Variants in CCDC158 observed in about 807,000 individuals in gnomAD.
The protein encoded by CCDC158 is coiled-coil domain containing 158.
Under a neutral mutation model 138.6 loss-of-function variants are expected in CCDC158, and 116 were observed. The observed-to-expected ratio is 0.84, with a 90% CI of 0.72 to 0.98. The LOEUF (loss-of-function observed/expected upper bound fraction) is 0.98, where lower values mean the gene tolerates loss of function less well. CCDC158 is among the 50% of genes least tolerant of loss of function. The probability of loss-of-function intolerance (pLI) is 0.00; values close to 1 mark genes in which losing one functional copy is unlikely to be tolerated. For missense variants in CCDC158, 1,265 were observed against 1,306.1 expected (o/e 0.97, Z 0.48); for synonymous variants, 436 against 442.4 (o/e 0.99, Z 0.18).
At chr4:76,355,123 C>G (rs1723418563) in intron 15 of CCDC158, among the ~76,000 whole-genome samples, 1 of 152,098 alleles carries the variant, frequency 6.6e-6, no homozygotes, top group East Asian at 1.9e-4. Context: ...TGTTCTTTTT[C>G]CCATTTCCCA....
At chr4:76,370,249 C>G (rs1172225570) in intron 10 of CCDC158, among the ~76,000 whole-genome samples, 14 of 152,038 alleles carry the variant, frequency 9.2e-5, no homozygotes, top group Non-Finnish European at 2.9e-5. Flanking sequence ...ATTAAAGGAA[C>G]AAAGATAAGG....
intron 2 of CCDC158, among the ~76,000 whole-genome samples, chr4:76,405,108 G>A (rs1263419139): frequency 6.6e-6 from 1 of 152,106 alleles, no homozygotes; most frequent in African/African-American, 2.4e-5. Context: ...ACAATATTAA[G>A]ACTTTAAAGA....
chr4:76,371,764 C>T (rs1725263957), intron 9 of CCDC158, among the ~76,000 whole-genome samples: 1 of 151,996 alleles, frequency 6.6e-6, no homozygotes, highest in Non-Finnish European at 1.5e-5. Context: ...ATGGCAAAAT[C>T]CCGTCTCTAC....
intron 24 of CCDC158, among the ~76,000 whole-genome samples, chr4:76,316,898 G>GAAAA (rs1368052517): frequency 1.6e-4 from 2 of 12,802 alleles, no homozygotes; most frequent in Non-Finnish European, 3.4e-4. Context: ...GTCTTTTGCA[G>GAAAA]ACAAAAAAAA....
chr4:76,340,032 C>T (rs184079626), intron 18 of CCDC158, among the ~76,000 whole-genome samples: 88 of 152,298 alleles, frequency 5.8e-4, no homozygotes, highest in South Asian at 1.5e-3. Context: ...CCACTGGCAG[C>T]ACATTTCAGT....
Position 76,369,503 on chromosome 4 carries a change from G to A in CCDC158, c.1270C>T (p.Arg424Trp), listed in dbSNP as rs750513601. ...IDHLRRELDN[R>W]NMEVQRLEAL... ...TCCAGGCGCTGCACCTCCATGTTCC[G>A]GTTGTCCAGTTCCCGCCGCAGGTGG... The change falls in exon 11 of 25, where the codon CGG becomes TGG. Residue 424 changes from arginine to tryptophan, a missense_variant. By Grantham distance (101) the Arg-to-Trp change is moderately radical. Coordinates refer to ENST00000682701, the MANE Select transcript of CCDC158 (RefSeq NM_001394954.1). 8.1e-6 allele frequency: 13 copies of A among 1,614,004 alleles called. No homozygotes were observed. The African/African-American group carries it at 9.3e-5, about 12-fold the overall frequency.
At chr4:76,376,509 C>G (rs529488118) in intron 9 of CCDC158, among the ~76,000 whole-genome samples, 231 of 152,166 alleles carry the variant, frequency 1.5e-3, no homozygotes, top group Non-Finnish European at 2.5e-3. Context: ...TTAGCAATGC[C>G]AAGTCATATG....
At chr4:76,335,032 T>G (rs1721349535) in intron 18 of CCDC158, among the ~76,000 whole-genome samples, 1 of 152,128 alleles carries the variant, frequency 6.6e-6, no homozygotes. Flanking sequence ...GATATGAGAG[T>G]TCCAACTCAC....
intron 22 of CCDC158, 74 bp downstream of exon 22, chr4:76,328,826 G>T (rs1308057370): frequency 1.0e-5 from 12 of 1,169,872 alleles, no homozygotes; most frequent in South Asian, 2.4e-5. Flanking sequence ...ATACTGCAAT[G>T]ACTTTGGCTT....
intron 19 of CCDC158, 46 bp downstream of exon 19, chr4:76,333,964 C>A: frequency 1.4e-6 from 2 of 1,414,012 alleles, no homozygotes; most frequent in Non-Finnish European, 9.6e-7. Context: ...CAATGGCAAA[C>A]CATTCAAGAG....
chr4:76,396,446 T>C lies in CCDC158; in HGVS notation c.111A>G (p.Thr37=). The C allele has an allele frequency of 6.2e-7, 1 of 1,613,814 alleles. No homozygotes were observed. Among genetic ancestry groups the C allele is most frequent in the Non-Finnish European group, 8.5e-7 (1 of 1,179,906 alleles). Residue 37 remains threonine (T), a synonymous_variant, in exon 4 of 25, where the codon ACA becomes ACG. Coordinates refer to ENST00000682701, the MANE Select transcript of CCDC158 (RefSeq NM_001394954.1). ...SSFFVSSIRG[T]IIENTSSAGT... is the part of the protein sequence containing the mutation. ...CAGCTGAAGATGTGTTTTCAATTAT[T>C]GTACCACGAATAGATGACACAAAAA...
chr4:76,357,434 G>A lies in CCDC158; in HGVS notation c.2113C>T (p.Gln705Ter). 1.9e-6 allele frequency: 3 copies of A among 1,604,920 alleles called. No homozygotes were observed. Among genetic ancestry groups the A allele is most frequent in the African/African-American group, 2.7e-5 (2 of 74,792 alleles). ...TTTCTTGTCTGTTCTAGTTCAGACT[G>A]TGCAGATTTTAATTGCATTTTCAAC... is the stretch of plus-strand genomic sequence containing the variant. ...NKLKMQLKSAQSELEQTRNTL... is the reference protein window; with the variant it reads ...NKLKMQLKSA The change falls in exon 14 of 25, where the codon CAG (glutamine) becomes TAG (stop). Residue 705 changes from glutamine (Q) to a stop codon, truncating the protein, a stop_gained. Coordinates refer to ENST00000682701, the MANE Select transcript of CCDC158 (RefSeq NM_001394954.1). LOFTEE classifies it high-confidence loss of function.
chr4:76,335,111 T>G (rs1019186655), intron 18 of CCDC158, among the ~76,000 whole-genome samples: 1 of 152,158 alleles, frequency 6.6e-6, no homozygotes, highest in Non-Finnish European at 1.5e-5. Context: ...TCATGATGAG[T>G]CAGTCTAAAG....
intron 23 of CCDC158, 100 bp from the exon 24 acceptor site, chr4:76,323,509 G>A: frequency 2.3e-6 from 2 of 881,358 alleles, no homozygotes; most frequent in African/African-American, 1.7e-5. Context: ...TTAAAATAAA[G>A]GGAACTTTTT....
At chr4:76,344,248 T>G (rs1175122956) in intron 18 of CCDC158, among the ~76,000 whole-genome samples, 1 of 152,184 alleles carries the variant, frequency 6.6e-6, no homozygotes, top group Non-Finnish European at 1.5e-5. Context: ...TGAACTCTCA[T>G]TCATAATTGC....
chr4:76,366,152 T>G (rs1325694963), intron 12 of CCDC158, among the ~76,000 whole-genome samples: 2 of 152,222 alleles, frequency 1.3e-5, no homozygotes, highest in Non-Finnish European at 1.5e-5. Context: ...TCCTCTGATA[T>G]GCTCTGCCCT....
At chr4:76,415,804 C>T (rs1828536) in intron 1 of CCDC158, among the ~76,000 whole-genome samples, 4,476 of 152,208 alleles carry the variant, frequency 0.029, 224 homozygotes, top group African/African-American at 0.1. Context: ...TCTGGGAAGA[C>T]GCCCATTTTC....
In CCDC158 at chr4:76,371,577, A is replaced by T. The variant is rs1357355733; in HGVS notation, c.1030-41T>A. Reference sequence around the variant, plus strand: ...AAATTGAACAGTGTCTGATTATGACAGTGGGTAATATAAAATAAATATAGA... The same window carrying T: ...AAATTGAACAGTGTCTGATTATGACTGTGGGTAATATAAAATAAATATAGA... On this transcript the variant is annotated intron_variant, in intron 9 of 24. Transcript: ENST00000682701. 1.9e-6 allele frequency: 3 copies of T among 1,601,178 alleles called. No individual in the cohort carries two copies. The African/African-American group carries it at 4.0e-5, about 21-fold the overall frequency.
chr4:76,331,375 C>T lies in CCDC158; in HGVS notation c.2911G>A (p.Glu971Lys). 1 of 1,613,972 alleles carries T rather than the reference C, an allele frequency of 6.2e-7. No individual in the cohort carries two copies. The highest frequency in any genetic ancestry group is 1.3e-5 in the African/African-American group (1 of 75,036). ...AGAGTTTCACTTGATTTGCTTCCTT[C>T]AGTGGAGTCCCTCAACGAGTTGTTG... The part of the protein sequence containing the change: ...RSNNSLRDST[E>K]GSKSSETLSR... Residue 971 changes from glutamate (E) to lysine (K), a missense_variant, in exon 21 of 25, where the codon GAA becomes AAA. By Grantham distance (56) the Glu-to-Lys change is moderately conservative. Coordinates refer to ENST00000682701, the MANE Select transcript of CCDC158 (RefSeq NM_001394954.1).
Sources: allele counts gnomAD v4.1 joint callset (sites outside exome capture counted in the v4.1 genomes callset), GRCh38; gene constraint gnomAD v4.1.1; transcripts MANE v1.5; gene names NCBI Gene and HGNC (gene_info 2026-07-23, HGNC 2026-07-21).